Variants in ATXN2 observed in about 807,000 individuals in gnomAD.
ATXN2 encodes the protein ataxin 2, also known as ataxin-2.
ATXN2 carries 37 observed loss-of-function variants against 138.6 expected under a neutral mutation model. The ratio of observed to expected loss-of-function variants is 0.27; its 90% CI spans 0.21 to 0.35. The LOEUF (loss-of-function observed/expected upper bound fraction) is 0.35, where lower values mean the gene tolerates loss of function less well. ATXN2 is among the 10% of genes least tolerant of loss of function. The pLI, the probability that ATXN2 is intolerant of heterozygous loss-of-function variation, is 1.00. For missense variants in ATXN2, 1,216 were observed against 1,480.3 expected (o/e 0.82, Z 2.93); for synonymous variants, 549 against 543.7 (o/e 1.01, Z -0.13).
chr12:111,599,208 G>A lies in ATXN2; in HGVS notation c.-174C>T. 2 of 1,203,316 alleles carry A rather than the reference G, an allele frequency of 1.7e-6. No homozygotes were observed. Among genetic ancestry groups the A allele is most frequent in the Non-Finnish European group, 2.1e-6 (2 of 970,428 alleles). The allele number at this position is 1,203,316 out of a possible 1,614,324, so 74.5% of individuals were successfully genotyped here. A position where few individuals can be genotyped will look rare whatever the true frequency, so the allele number is the denominator to read the frequency against. ...AGGGGGAGAAGGAGGACGACGAAGGGGCGGGGAGGCCCGCCGAGACCAAGG... is the reference window on the plus strand; with the variant it reads ...AGGGGGAGAAGGAGGACGACGAAGGAGCGGGGAGGCCCGCCGAGACCAAGG... On this transcript the variant is annotated 5_prime_UTR_variant, in exon 1 of 25. Coordinates refer to ENST00000673436, the MANE Select transcript of ATXN2 (RefSeq NM_001372574.1).
chr12:111,519,688 C>T, intron 8 of ATXN2, 191 bp downstream of exon 8: 1 of 1,095,452 alleles, frequency 9.1e-7, no homozygotes, highest in South Asian at 1.7e-5. Context: ...CTTGGCTCCA[C>T]AGAGCTTACT....
chr12:111,586,395 T>TC (rs1319075695), intron 1 of ATXN2, among the ~76,000 whole-genome samples: 1 of 145,320 alleles, frequency 6.9e-6, no homozygotes, highest in African/African-American at 2.5e-5. Context: ...CTGGTTTTTT[T>TC]TTTTTTTTTT....
At chr12:111,524,723 C>A (rs1486435299) in intron 6 of ATXN2, among the ~76,000 whole-genome samples, 1 of 152,222 alleles carries the variant, frequency 6.6e-6, no homozygotes, top group African/African-American at 2.4e-5. Flanking sequence ...TTATGTAATG[C>A]TTTAATTCCA....
intron 5 of ATXN2, among the ~76,000 whole-genome samples, chr12:111,542,523 G>A (rs1298268124): frequency 6.6e-6 from 1 of 152,176 alleles, no homozygotes; most frequent in Non-Finnish European, 1.5e-5. Context: ...CTGGAGTGCC[G>A]TGGCATAACC....
intron 1 of ATXN2, among the ~76,000 whole-genome samples, chr12:111,566,633 CTTTTCTT>C (rs1883025682): frequency 6.7e-6 from 1 of 149,334 alleles, no homozygotes; most frequent in Non-Finnish European, 1.5e-5. Context: ...GAGGAAATTG[CTTTTCTT>C]TTTTTTTTTT....
At chr12:111,459,663 C>A (rs1245250395) in intron 21 of ATXN2, among the ~76,000 whole-genome samples, 3 of 152,078 alleles carry the variant, frequency 2.0e-5, no homozygotes, top group Non-Finnish European at 2.9e-5. Context: ...TGGTCTCGAA[C>A]TACTGGCCTC....
chr12:111,498,901 TAAGTG>T (rs1441771792), intron 14 of ATXN2, among the ~76,000 whole-genome samples: 1 of 152,110 alleles, frequency 6.6e-6, no homozygotes, highest in African/African-American at 2.4e-5. Context: ...TCCATACGTC[TAAGTG>T]AACTCATTTT....
chr12:111,563,862 G>A (rs1275960901), intron 1 of ATXN2, among the ~76,000 whole-genome samples: 2 of 152,016 alleles, frequency 1.3e-5, no homozygotes, highest in African/African-American at 4.8e-5. Flanking sequence ...GTCTTCCTTC[G>A]ATTATCTCAA....
chr12:111,552,809 AGTAAAATCATTCAAAGTG>A lies in ATXN2; in HGVS notation c.420+79_420+96del. 1 of 781,774 alleles carries A rather than the reference AGTAAAATCATTCAAAGTG, an allele frequency of 1.3e-6. No homozygotes were observed. Among genetic ancestry groups the A allele is most frequent in the Non-Finnish European group, 2.0e-6 (1 of 501,608 alleles). The allele number at this position is 781,774 out of a possible 1,614,324, so 48.4% of individuals were successfully genotyped here. On this transcript the variant is annotated intron_variant, in intron 4 of 24. Transcript: ENST00000673436. The surrounding 1 kb of genome is among the most constrained non-coding windows in gnomAD (Gnocchi z 4.1). The stretch of plus-strand genomic sequence containing the variant: ...AAATAATCAGTATTTGAAACTGAGA[AGTAAAATCATTCAAAGTG>A]GCTTTAAAAACTAGGTAAAACACTG...
chr12:111,513,176 A>C (rs753355397), intron 11 of ATXN2, 181 bp downstream of exon 11: 2 of 637,708 alleles, frequency 3.1e-6, no homozygotes, highest in Non-Finnish European at 5.1e-6. Flanking sequence ...GACTTGCTTT[A>C]ATATATGATG....
At chr12:111,587,416 T>G (rs1239046134) in intron 1 of ATXN2, among the ~76,000 whole-genome samples, 1 of 151,854 alleles carries the variant, frequency 6.6e-6, no homozygotes, top group Non-Finnish European at 1.5e-5. Flanking sequence ...TTAAAGCACT[T>G]TGGGAAAACT....
chr12:111,538,476 G>A (rs533093215), intron 5 of ATXN2, among the ~76,000 whole-genome samples: 5 of 150,334 alleles, frequency 3.3e-5, no homozygotes, highest in South Asian at 2.1e-4. Context: ...TCTGCCACCC[G>A]AATAGCTGGG....
chr12:111,493,630 ATTT>A (rs538107471), intron 14 of ATXN2, among the ~76,000 whole-genome samples: 9 of 143,710 alleles, frequency 6.3e-5, no homozygotes, highest in South Asian at 2.2e-4. Context: ...AAGAACTACA[ATTT>A]TTTTTTTTTT....
At chr12:111,549,989 G>A (rs1238505560) in intron 5 of ATXN2, among the ~76,000 whole-genome samples, 3 of 150,782 alleles carry the variant, frequency 2.0e-5, no homozygotes, top group Admixed American at 6.6e-5. Context: ...TTGAACCCAG[G>A]AGGCAGAGGT....
chr12:111,485,483 TA>T, intron 17 of ATXN2, 152 bp from the exon 18 acceptor site: 1 of 967,454 alleles, frequency 1.0e-6, no homozygotes, highest in Non-Finnish European at 1.5e-6. Flanking sequence ...TACCCACAGC[TA>T]AAAGGAACAA....
At chr12:111,529,231 G>T (rs576949692) in intron 5 of ATXN2, among the ~76,000 whole-genome samples, 44 of 152,266 alleles carry the variant, frequency 2.9e-4, no homozygotes, top group African/African-American at 1.0e-3. Context: ...ACAGGCAACT[G>T]TGGGAATTTG....
intron 18 of ATXN2, among the ~76,000 whole-genome samples, chr12:111,481,617 T>C (rs1877245465): frequency 3.3e-5 from 5 of 152,168 alleles, no homozygotes; most frequent in Admixed American, 1.3e-4. Context: ...ATCACAGCAT[T>C]TCTACTTTAG....
At chr12:111,506,750 C>G (rs1296199175) in intron 14 of ATXN2, among the ~76,000 whole-genome samples, 2 of 151,852 alleles carry the variant, frequency 1.3e-5, no homozygotes, top group African/African-American at 4.8e-5. Context: ...TCTCGGCTCA[C>G]TGCAACCTCC....
chr12:111,528,723 A>G (rs1737174899), intron 5 of ATXN2, among the ~76,000 whole-genome samples: 1 of 152,196 alleles, frequency 6.6e-6, no homozygotes. Context: ...AAAGATGAGT[A>G]AAGGACTTAG....
Sources: allele counts gnomAD v4.1 joint callset (sites outside exome capture counted in the v4.1 genomes callset), GRCh38; gene constraint gnomAD v4.1.1; non-coding constraint Gnocchi (gnomAD v3.1); transcripts MANE v1.5; gene names NCBI Gene and HGNC (gene_info 2026-07-23, HGNC 2026-07-21).